The following LDLRAD4 variants were observed in gnomAD, a reference collection of about 807,000 sequenced individuals.
LDLRAD4 encodes the protein low-density lipoprotein receptor class A domain-containing protein 4.
In LDLRAD4, 5 loss-of-function variants were observed where a neutral mutation model predicts 17.0. The observed-to-expected ratio is 0.29, with a 90% CI of 0.15 to 0.62. The LOEUF (loss-of-function observed/expected upper bound fraction) is 0.62, where lower values mean the gene tolerates loss of function less well. Among genes scored for constraint, LDLRAD4 ranks in the 20% least tolerant of loss-of-function variants. The pLI, the probability that LDLRAD4 is intolerant of heterozygous loss-of-function variation, is 0.84. For synonymous variants in LDLRAD4, 168 were observed against 171.8 expected, an observed-to-expected ratio of 0.98 and a Z score of 0.17; for missense variants, 340 against 424.7, an observed-to-expected ratio of 0.80 and a Z score of 1.75.
chr18:13,325,029 A>C (rs897662801), intron 1 of LDLRAD4, among the ~76,000 whole-genome samples: 2 of 152,188 alleles, frequency 1.3e-5, no homozygotes, highest in African/African-American at 4.8e-5. Flanking sequence ...AGTCATGTAC[A>C]CATTTGTCTC....
Position 13,313,758 on chromosome 18 carries a change from C to T in LDLRAD4, c.-383+35570C>T, listed in dbSNP as rs1047227850. Among the ~76,000 whole-genome samples, 4 of 152,154 alleles carry T rather than the reference C, an allele frequency of 2.6e-5. 1 individual carries two copies. In the South Asian group the frequency reaches 8.3e-4, roughly 31 times the overall value. On this transcript the variant is annotated intron_variant, in intron 1 of 5. Coordinates refer to ENST00000359446, the Ensembl canonical transcript of LDLRAD4. Reference sequence around the variant, plus strand: ...CTTTGAGGACAGTGACGGTTTCTGCCTTTGTTCCCTACACCTGCAAAACAT... The same window carrying T: ...CTTTGAGGACAGTGACGGTTTCTGCTTTTGTTCCCTACACCTGCAAAACAT...
At chr18:13,650,687 T>C in exon 6 of LDLRAD4, 1 of 236,358 alleles carries the variant, frequency 4.2e-6, no homozygotes, top group East Asian at 8.2e-5. Context: ...TCCTACCCAA[T>C]GGGTAGAACA....
At position 13,645,088 on chromosome 18, in the gene LDLRAD4, G is replaced by A. The variant is rs756936626; in HGVS notation, c.391-39G>A. On this transcript the variant is annotated intron_variant, in intron 5 of 5. Transcript: ENST00000359446. This position sits in a 1 kb window ranked among gnomAD's most constrained non-coding sequence, Gnocchi z 5.7. The stretch of plus-strand genomic sequence containing the variant: ...CTGACACATTTATGGTCATCATTGC[G>A]CTCAAACTGTCTTCAAGCCTCTCCT... 5.8e-6 allele frequency: 9 copies of A among 1,538,878 alleles called. No homozygotes were observed. In the Admixed American group the frequency reaches 7.1e-5, roughly 12 times the overall value.
chr18:13,411,089 A>G (rs2088293173), intron 2 of LDLRAD4, among the ~76,000 whole-genome samples: 1 of 152,108 alleles, frequency 6.6e-6, no homozygotes, highest in East Asian at 1.9e-4. Flanking sequence ...CGTCTCTACT[A>G]AAAATACAAA....
chr18:13,282,874 A>G (rs1467642738), intron 1 of LDLRAD4, among the ~76,000 whole-genome samples: 1 of 152,230 alleles, frequency 6.6e-6, no homozygotes, highest in Non-Finnish European at 1.5e-5. Context: ...CTGGGCATCT[A>G]GGCATTTCCA....
chr18:13,531,316 T>C (rs1042624224), intron 3 of LDLRAD4, among the ~76,000 whole-genome samples: 7 of 152,122 alleles, frequency 4.6e-5, no homozygotes, highest in African/African-American at 1.4e-4. Flanking sequence ...AATCACACTT[T>C]GGCCGTGCGC....
chr18:13,577,091 A>G (rs115017523), intron 3 of LDLRAD4, among the ~76,000 whole-genome samples: 1 of 151,568 alleles, frequency 6.6e-6, no homozygotes. Flanking sequence ...TTTTTTTTTA[A>G]GTATCCGAAT....
chr18:13,457,080 G>T (rs751710654), intron 3 of LDLRAD4, among the ~76,000 whole-genome samples: 1 of 152,230 alleles, frequency 6.6e-6, no homozygotes, highest in East Asian at 1.9e-4. Context: ...GACACCTGCT[G>T]TAGTGTCAGC....
intron 3 of LDLRAD4, chr18:13,611,717 T>G: frequency 1.0e-6 from 1 of 985,436 alleles, no homozygotes; most frequent in Non-Finnish European, 1.2e-6. Flanking sequence ...GTTTTTGTGC[T>G]ACCATACATG....
At chr18:13,405,389 A>C (rs1273864976) in intron 2 of LDLRAD4, among the ~76,000 whole-genome samples, 2 of 152,078 alleles carry the variant, frequency 1.3e-5, no homozygotes, top group African/African-American at 2.4e-5. Flanking sequence ...CTTAAAATGG[A>C]GAATGTAAAC....
At chr18:13,515,297 G>T (rs1368074556) in intron 3 of LDLRAD4, 1 of 152,248 alleles carries the variant, frequency 6.6e-6, no homozygotes, top group East Asian at 1.9e-4. Context: ...AGGGAAGGAA[G>T]GATGAGTATT....
At chr18:13,559,750 G>A (rs1396978084) in intron 3 of LDLRAD4, among the ~76,000 whole-genome samples, 2 of 152,274 alleles carry the variant, frequency 1.3e-5, no homozygotes, top group African/African-American at 2.4e-5. Context: ...CAGCAGCTCT[G>A]CAAATGACTT....
At chr18:13,481,750 C>T (rs2093091822) in intron 3 of LDLRAD4, among the ~76,000 whole-genome samples, 1 of 152,164 alleles carries the variant, frequency 6.6e-6, no homozygotes, top group South Asian at 2.1e-4. Flanking sequence ...CCAGGCAGGG[C>T]AGCCATGTTC....
chr18:13,229,195 C>T (rs539148339), intron 1 of LDLRAD4, among the ~76,000 whole-genome samples: 3 of 152,274 alleles, frequency 2.0e-5, no homozygotes, highest in East Asian at 1.9e-4. Context: ...GTCCTTGGGA[C>T]GATTCGGGTA....
rs538980973 is a variant in LDLRAD4, at chr18:13,221,425, A to G, written c.-467+2437A>G. On this transcript the variant is annotated intron_variant, in intron 1 of 5. Transcript: ENST00000399848. The stretch of plus-strand genomic sequence containing the variant: ...CTGCCTATATGAACTGTGTTAGTTT[A>G]GAATTACATCTTGACCTATATTACG... 2.0e-5 allele frequency among the ~76,000 whole-genome samples: 3 copies of G among 152,304 alleles called. No homozygotes were observed. In the East Asian group the frequency reaches 5.8e-4, roughly 29 times the overall value.
At chr18:13,318,682 C>T (rs1278031952) in intron 1 of LDLRAD4, among the ~76,000 whole-genome samples, 1 of 152,198 alleles carries the variant, frequency 6.6e-6, no homozygotes, top group East Asian at 1.9e-4. Flanking sequence ...TGCCGCTAGG[C>T]ATTCCGGGGA....
At chr18:13,559,369 A>G (rs2094516652) in intron 3 of LDLRAD4, among the ~76,000 whole-genome samples, 2 of 152,192 alleles carry the variant, frequency 1.3e-5, no homozygotes, top group Admixed American at 1.3e-4. Context: ...AATGGCATTC[A>G]TGGAAAAGGT....
At chr18:13,379,784 G>C (rs1337455660) in intron 1 of LDLRAD4, among the ~76,000 whole-genome samples, 1 of 152,170 alleles carries the variant, frequency 6.6e-6, no homozygotes, top group African/African-American at 2.4e-5. Context: ...ACAGCTTGTC[G>C]GTTCATATTC....
chr18:13,407,730 G>T (rs557497816), intron 2 of LDLRAD4, among the ~76,000 whole-genome samples: 7 of 152,326 alleles, frequency 4.6e-5, no homozygotes, highest in African/African-American at 1.7e-4. Flanking sequence ...GAGCTGATAG[G>T]GCAGTGGAAC....
Sources: gnomAD v4.1 joint callset for allele counts (sites outside exome capture counted in the v4.1 genomes callset) on GRCh38, gnomAD v4.1.1 for gene constraint, Gnocchi (gnomAD v3.1) non-coding constraint, MANE v1.5 for transcripts, NCBI Gene and HGNC (gene_info 2026-07-23, HGNC 2026-07-21) for gene names.